Variants in PABPC4L observed in about 807,000 individuals in gnomAD.
The protein encoded by PABPC4L is polyadenylate-binding protein 4-like.
For missense variants in PABPC4L, 452 were observed against 451.4 expected, an observed-to-expected ratio of 1.00 and a Z score of -0.01; for synonymous variants, 169 against 164.1, an observed-to-expected ratio of 1.03 and a Z score of -0.23.
At chr4:134,131,445 T>C in the PABPC4L span, among the ~76,000 whole-genome samples, 1 of 151,678 alleles carries the variant, frequency 6.6e-6, no homozygotes, top group Non-Finnish European at 1.5e-5. Flanking sequence ...CCTTTTACAA[T>C]ACCTGCAAAA....
At chr4:134,174,229 T>C in the PABPC4L span, among the ~76,000 whole-genome samples, 3,411 of 152,154 alleles carry the variant, frequency 0.022, 132 homozygotes, top group African/African-American at 0.077. Flanking sequence ...TCTCCTATCA[T>C]AATGTCTACT....
the PABPC4L span, among the ~76,000 whole-genome samples, chr4:134,184,331 A>T: frequency 4.6e-5 from 7 of 151,996 alleles, no homozygotes; most frequent in Non-Finnish European, 8.8e-5. Flanking sequence ...ATAACAAAAA[A>T]AATTCCAAGT....
the PABPC4L span, among the ~76,000 whole-genome samples, chr4:134,099,558 T>C: frequency 6.6e-5 from 10 of 151,732 alleles, no homozygotes; most frequent in Non-Finnish European, 1.5e-4. Flanking sequence ...TTATTTCCAA[T>C]GAATTCTGTA....
chr4:134,062,739 C>A, the PABPC4L span, among the ~76,000 whole-genome samples: 1 of 152,046 alleles, frequency 6.6e-6, no homozygotes, highest in East Asian at 1.9e-4. Context: ...AGTGATATCA[C>A]TGTACAAAAA....
chr4:134,113,159 T>C, the PABPC4L span, among the ~76,000 whole-genome samples: 1 of 151,934 alleles, frequency 6.6e-6, no homozygotes, highest in Non-Finnish European at 1.5e-5. Context: ...GTCAAAAAGT[T>C]CAAAATGTTT....
the PABPC4L span, among the ~76,000 whole-genome samples, chr4:134,092,501 C>T: frequency 6.6e-6 from 1 of 151,976 alleles, no homozygotes; most frequent in African/African-American, 2.4e-5. Context: ...CAGACAAGAA[C>T]CCAGGTACCA....
the PABPC4L span, among the ~76,000 whole-genome samples, chr4:134,186,388 C>T: frequency 2.6e-5 from 4 of 152,082 alleles, no homozygotes; most frequent in Non-Finnish European, 5.9e-5. Flanking sequence ...TAATACCACA[C>T]ACATCCACAA....
the PABPC4L span, among the ~76,000 whole-genome samples, chr4:133,999,382 C>T: frequency 3.9e-5 from 6 of 152,068 alleles, no homozygotes; most frequent in East Asian, 1.2e-3. Flanking sequence ...CAATGCAGCC[C>T]TGGCTTTGAT....
chr4:133,970,895 C>T, the PABPC4L span, among the ~76,000 whole-genome samples: 1 of 152,104 alleles, frequency 6.6e-6, no homozygotes, highest in Non-Finnish European at 1.5e-5. Flanking sequence ...AATACCTTGT[C>T]CTGGAACTTC....
chr4:134,193,559 G>C (rs1000316371), downstream of PABPC4L, among the ~76,000 whole-genome samples: 1 of 151,822 alleles, frequency 6.6e-6, no homozygotes, highest in Admixed American at 6.6e-5. Flanking sequence ...AGAAAGAAAA[G>C]TATTTCCATT....
At chr4:134,183,203 C>T in the PABPC4L span, among the ~76,000 whole-genome samples, 1 of 151,898 alleles carries the variant, frequency 6.6e-6, no homozygotes, top group African/African-American at 2.4e-5. Context: ...ATGGAATCCA[C>T]CCAAATGCTC....
At chr4:134,093,164 T>C in the PABPC4L span, among the ~76,000 whole-genome samples, 1 of 151,736 alleles carries the variant, frequency 6.6e-6, no homozygotes, top group African/African-American at 2.4e-5. Context: ...TATGTATCTT[T>C]TTTTTTTGCT....
chr4:134,029,537 G>C, the PABPC4L span, among the ~76,000 whole-genome samples: 1 of 151,986 alleles, frequency 6.6e-6, no homozygotes, highest in Non-Finnish European at 1.5e-5. Context: ...TAATAGGTTT[G>C]ATTAGTAAAC....
chr4:133,950,433 C>A, the PABPC4L span, among the ~76,000 whole-genome samples: 1 of 152,180 alleles, frequency 6.6e-6, no homozygotes, highest in Non-Finnish European at 1.5e-5. Flanking sequence ...TGGCAGATCA[C>A]ACAAACTCCA....
the PABPC4L span, among the ~76,000 whole-genome samples, chr4:134,092,989 C>T: frequency 6.6e-6 from 1 of 151,930 alleles, no homozygotes; most frequent in Non-Finnish European, 1.5e-5. Context: ...GCGAATTACT[C>T]ATTTTTATAG....
chr4:134,103,911 G>T, the PABPC4L span, among the ~76,000 whole-genome samples: 1 of 151,568 alleles, frequency 6.6e-6, no homozygotes, highest in Non-Finnish European at 1.5e-5. Flanking sequence ...TCTATGAGCT[G>T]CTTTTTAATC....
the PABPC4L span, among the ~76,000 whole-genome samples, chr4:134,184,331 A>C: frequency 6.6e-6 from 1 of 151,996 alleles, no homozygotes; most frequent in African/African-American, 2.4e-5. Flanking sequence ...ATAACAAAAA[A>C]AATTCCAAGT....
the PABPC4L span, among the ~76,000 whole-genome samples, chr4:134,116,421 T>C: frequency 6.6e-6 from 1 of 151,846 alleles, no homozygotes; most frequent in Admixed American, 6.6e-5. Context: ...AGCTCTTTGA[T>C]GTTTTTCAAG....
At chr4:134,043,053 A>G in the PABPC4L span, among the ~76,000 whole-genome samples, 1 of 152,118 alleles carries the variant, frequency 6.6e-6, no homozygotes, top group Admixed American at 6.6e-5. Context: ...GAATTTCTGT[A>G]AAATGTTCAA....
Sources: gnomAD v4.1 joint callset for allele counts (sites outside exome capture counted in the v4.1 genomes callset) on GRCh38, gnomAD v4.1.1 for gene constraint, MANE v1.5 for transcripts, NCBI Gene and HGNC (gene_info 2026-07-23, HGNC 2026-07-21) for gene names.